DOP1B: variants seen among roughly 807,000 people sequenced by gnomAD.
The protein encoded by DOP1B is protein DOP1B.
A neutral mutation model predicts 233.5 loss-of-function variants in DOP1B; 174 were observed. The ratio of observed to expected loss-of-function variants is 0.75; its 90% CI spans 0.66 to 0.85. The LOEUF (loss-of-function observed/expected upper bound fraction) is 0.85. DOP1B is among the 40% of genes least tolerant of loss of function. The pLI, the probability that DOP1B is intolerant of heterozygous loss-of-function variation, is 0.00. For missense variants in DOP1B, 2,652 were observed against 2,846.6 expected (o/e 0.93, Z 1.56); for synonymous variants, 1,190 against 1,185.6 (o/e 1.00, Z -0.08).
At chr21:36,258,999 G>C (rs1403174654) in intron 23 of DOP1B, among the ~76,000 whole-genome samples, 2 of 128,780 alleles carry the variant, frequency 1.6e-5, no homozygotes, top group African/African-American at 6.0e-5. Flanking sequence ...TTTTTGAGAC[G>C]AAGTCTTGCT....
chr21:36,202,991 T>A (rs2066386335), intron 4 of DOP1B, among the ~76,000 whole-genome samples: 1 of 152,260 alleles, frequency 6.6e-6, no homozygotes, highest in African/African-American at 2.4e-5. Flanking sequence ...ATTGGACAGA[T>A]GAACACATTA....
chr21:36,169,861 G>A (rs549557275), intron 2 of DOP1B: 22 of 859,014 alleles, frequency 2.6e-5, no homozygotes, highest in Non-Finnish European at 4.3e-5. Context: ...GATGTGCTCA[G>A]CAAAGATGGC....
intron 18 of DOP1B, among the ~76,000 whole-genome samples, chr21:36,242,483 G>T (rs8126481): frequency 0.36 from 53,876 of 151,722 alleles, 10,595 homozygotes; most frequent in African/African-American, 0.51. Context: ...CCTTAGTTTT[G>T]GTATTTTTAG....
chr21:36,170,177 A>G lies in DOP1B; in HGVS notation c.138+5306A>G, dbSNP rs115085108. 2.7e-3 allele frequency: 1,274 copies of G among 465,890 alleles called. 13 individuals are homozygous for G. Among genetic ancestry groups the G allele is most frequent in the African/African-American group, 0.021 (1,065 of 49,978 alleles). The allele number at this position is 465,890 out of a possible 1,614,324, so 28.9% of individuals were successfully genotyped here. A position where few individuals can be genotyped will look rare whatever the true frequency, so the allele number is the denominator to read the frequency against. On this transcript the variant is annotated intron_variant, in intron 2 of 36. Transcript: ENST00000691173. ...CTGGGAGTGGAGAACTTTCTGTGAGACATCACACAATCAAATTCCACCGGT... is the reference window on the plus strand; with the variant it reads ...CTGGGAGTGGAGAACTTTCTGTGAGGCATCACACAATCAAATTCCACCGGT...
chr21:36,225,632 G>T lies in DOP1B; in HGVS notation c.1438G>T (p.Ala480Ser). ...SPPPTVSELC[A>S]LLVFLLDVIP... ...TCCCCCCACGGTCTCGGAGCTCTGCGCCCTCCTGGTCTTCCTGCTGGATGT... is the reference window on the plus strand; with the variant it reads ...TCCCCCCACGGTCTCGGAGCTCTGCTCCCTCCTGGTCTTCCTGCTGGATGT... Residue 480 changes from alanine (A) to serine (S), a missense_variant, in exon 12 of 37, where the codon GCC (alanine) becomes TCC (serine). Ala to Ser is a moderately conservative substitution (Grantham distance 99, BLOSUM62 1). Transcript: ENST00000691173. The T allele has an allele frequency of 2.5e-6, 4 of 1,614,172 alleles. No individual in the cohort carries two copies. The highest frequency in any genetic ancestry group is 3.4e-6 in the Non-Finnish European group (4 of 1,180,038).
chr21:36,194,961 T>C (rs1355979499), intron 2 of DOP1B, among the ~76,000 whole-genome samples: 1 of 152,074 alleles, frequency 6.6e-6, no homozygotes, highest in South Asian at 2.1e-4. Flanking sequence ...ATCCCAGCAC[T>C]TTGGGAGGCC....
chr21:36,177,315 A>G (rs1360181655), intron 2 of DOP1B, among the ~76,000 whole-genome samples: 1 of 152,196 alleles, frequency 6.6e-6, no homozygotes, highest in Non-Finnish European at 1.5e-5. Flanking sequence ...TAAGATCGAG[A>G]TGGTCTTTTT....
At position 36,278,236 on chromosome 21, in the gene DOP1B, T is replaced by G; in HGVS notation, c.5850T>G (p.Ala1950=). ...HSAYNAPSFR[A]GAQLLSSLSG... is the part of the protein sequence containing the mutation. ...CCTACAATGCTCCCAGCTTCCGGGCTGGCGCTCAGCTGCTGAGCTCCCTGA... is the reference window on the plus strand; with the variant it reads ...CCTACAATGCTCCCAGCTTCCGGGCGGGCGCTCAGCTGCTGAGCTCCCTGA... The change falls in exon 30 of 37, where the codon GCT becomes GCG. Residue 1950 remains alanine, a synonymous_variant. Coordinates refer to ENST00000691173, the MANE Select transcript of DOP1B (RefSeq NM_001320714.2). The G allele has an allele frequency of 1.9e-6, 3 of 1,614,180 alleles. No homozygotes were observed. The highest frequency in any genetic ancestry group is 2.5e-6 in the Non-Finnish European group (3 of 1,180,034).
At chr21:36,215,507 T>TAATTCTCCTCCTGGGTTCAAGC (rs1445166684) in intron 9 of DOP1B, among the ~76,000 whole-genome samples, 1 of 151,912 alleles carries the variant, frequency 6.6e-6, no homozygotes, top group Non-Finnish European at 1.5e-5. Context: ...TTCGAACAAT[T>TAATTCTCCTCCTGGGTTCAAGC]AATTCTCCTG....
intron 34 of DOP1B, 116 bp from the exon 35 acceptor site, chr21:36,288,929 C>A: frequency 6.9e-7 from 1 of 1,455,828 alleles, no homozygotes; most frequent in Non-Finnish European, 9.4e-7. Flanking sequence ...TGTGAAAGGA[C>A]CAGCTATTCC....
At position 36,245,945 on chromosome 21, in the gene DOP1B, T is replaced by G. The variant is rs144636680; in HGVS notation, c.3965T>G (p.Phe1322Cys). 5.3e-5 allele frequency: 85 copies of G among 1,613,812 alleles called. No homozygotes were observed. Among genetic ancestry groups the G allele is most frequent in the East Asian group, 4.7e-4 (21 of 44,874 alleles). Reference protein sequence around the residue: ...LELLTYLCLSFLRSYYPCYLK... With the variant: ...LELLTYLCLSCLRSYYPCYLK... ...CTGCTCACCTACCTCTGCCTGAGCT[T>G]CCTGCGCTCCTACTACCCTTGCTAT... The change falls in exon 19 of 37, where the codon TTC becomes TGC. Residue 1322 changes from phenylalanine (F) to cysteine (C), a missense_variant. By Grantham distance (205) the Phe-to-Cys change is radical (BLOSUM62 -2). Around this residue, in one of 3 missense-constraint regions of DOP1B, gnomAD observed 2,617 missense variants for 2,794.3 expected, o/e 0.94. Transcript: ENST00000691173. The surrounding 1 kb of genome is among the most constrained non-coding windows in gnomAD (Gnocchi z 5.5).
intron 18 of DOP1B, among the ~76,000 whole-genome samples, chr21:36,242,837 C>G (rs1315755763): frequency 6.6e-6 from 1 of 152,180 alleles, no homozygotes; most frequent in Non-Finnish European, 1.5e-5. Context: ...TCAAGCAGCT[C>G]ATCAATTTCT....
At chr21:36,282,484 C>G (rs138261566) in intron 32 of DOP1B, among the ~76,000 whole-genome samples, 1 of 152,178 alleles carries the variant, frequency 6.6e-6, no homozygotes, top group African/African-American at 2.4e-5. Flanking sequence ...AAAGTCTGAC[C>G]ACAGTATAGG....
chr21:36,204,551 A>G (rs905843347), intron 4 of DOP1B, among the ~76,000 whole-genome samples: 1 of 151,824 alleles, frequency 6.6e-6, no homozygotes, highest in Admixed American at 6.6e-5. Flanking sequence ...TGGCAGGATT[A>G]TAGCTCACTG....
At chr21:36,170,490 G>A in intron 2 of DOP1B, 1 of 161,922 alleles carries the variant, frequency 6.2e-6, no homozygotes, top group Non-Finnish European at 1.3e-5. Flanking sequence ...CAGCTACCCA[G>A]GAGGCTGAGG....
At position 36,244,904 on chromosome 21, in the gene DOP1B, A is replaced by G. The variant is rs1346637544; in HGVS notation, c.3068-144A>G. On this transcript the variant is annotated intron_variant, in intron 18 of 36. Coordinates refer to ENST00000691173, the MANE Select transcript of DOP1B (RefSeq NM_001320714.2). ...TTGTCTACTTTTGTCTGTAATGTAA[A>G]CCGGACTCTGGTGGTGGTGTTTCAT... 6.4e-6 allele frequency: 5 copies of G among 779,922 alleles called. No homozygotes were observed. In the East Asian group the frequency reaches 1.4e-4, roughly 21 times the overall value. The allele number at this position is 779,922 out of a possible 1,614,324, so 48.3% of individuals were successfully genotyped here. A position where few individuals can be genotyped will look rare whatever the true frequency, so the allele number is the denominator to read the frequency against.
chr21:36,172,580 T>C (rs535361374), intron 2 of DOP1B, among the ~76,000 whole-genome samples: 1 of 151,830 alleles, frequency 6.6e-6, no homozygotes, highest in African/African-American at 2.4e-5. Context: ...TTGGGCAACA[T>C]GGCAAAACCT....
chr21:36,232,717 A>T, intron 14 of DOP1B, 87 bp from the exon 15 acceptor site: 1 of 1,567,158 alleles, frequency 6.4e-7, no homozygotes, highest in South Asian at 1.2e-5. Flanking sequence ...AACTTCCCAG[A>T]TCTAGGGTGC....
chr21:36,243,418 T>C (rs574860347), intron 18 of DOP1B, among the ~76,000 whole-genome samples: 7 of 151,636 alleles, frequency 4.6e-5, no homozygotes, highest in African/African-American at 1.7e-4. Context: ...ATTTGACTTC[T>C]CCTAAAAAAG....
Sources: gnomAD v4.1 joint callset for allele counts (sites outside exome capture counted in the v4.1 genomes callset) on GRCh38, gnomAD v4.1.1 for gene constraint, gnomAD v4.1.1 regional missense constraint, Gnocchi (gnomAD v3.1) non-coding constraint, MANE v1.5 for transcripts, NCBI Gene and HGNC (gene_info 2026-07-23, HGNC 2026-07-21) for gene names.